The following RPL35 variants were observed in gnomAD, a reference collection of about 807,000 sequenced individuals.
The protein encoded by RPL35 is large ribosomal subunit protein uL29.
In RPL35, 2 loss-of-function variants were observed where a neutral mutation model predicts 15.6. The observed-to-expected ratio is 0.13, with a 90% CI of 0.05 to 0.40. The LOEUF is 0.40. RPL35 is among the 10% of genes least tolerant of loss of function. RPL35 has a pLI of 0.99. For missense variants in RPL35, 111 were observed against 164.7 expected, an observed-to-expected ratio of 0.67 and a Z score of 1.79; for synonymous variants, 93 against 67.9, an observed-to-expected ratio of 1.37 and a Z score of -1.82.
intron 3 of RPL35, among the ~76,000 whole-genome samples, chr9:124,859,079 AGCCACTAGC>A (rs1021181846): frequency 5.3e-5 from 8 of 152,206 alleles, no homozygotes; most frequent in Non-Finnish European, 1.2e-4. Context: ...CCAACAGAGC[AGCCACTAGC>A]CACACACGTA....
At chr9:124,861,735 C>G in intron 1 of RPL35, 175 bp downstream of exon 1, 1 of 1,309,660 alleles carries the variant, frequency 7.6e-7, no homozygotes, top group Non-Finnish European at 1.0e-6. Context: ...CAGGCCCGGG[C>G]CGCGCGCCTC....
rs1176765983 is a variant in RPL35, at chr9:124,858,587, C to G, written c.223-520G>C. On this transcript the variant is annotated intron_variant, in intron 3 of 3. Coordinates refer to ENST00000348462, the MANE Select transcript of RPL35 (RefSeq NM_007209.4). Reference sequence around the variant, plus strand: ...GCCTGGCTGGCCAAGGCCACTTGCCCCACCTGCTTCCGGCTTTGGGGCCCC... The same window carrying G: ...GCCTGGCTGGCCAAGGCCACTTGCCGCACCTGCTTCCGGCTTTGGGGCCCC... 5 of 697,900 alleles carry G rather than the reference C, an allele frequency of 7.2e-6. No individual in the cohort carries two copies. In the Admixed American group the frequency reaches 1.0e-4, roughly 14 times the overall value. 43.2% of individuals were successfully genotyped at this position (697,900 alleles called of 1,614,324 possible).
At chr9:124,860,836 G>C (rs1370299792) in intron 2 of RPL35, 1 of 157,370 alleles carries the variant, frequency 6.4e-6, no homozygotes, top group Non-Finnish European at 1.4e-5. Flanking sequence ...GGGCAAAGAG[G>C]GCAACCACCA....
chr9:124,860,384 A>C (rs1272914530), intron 2 of RPL35, 120 bp from the exon 3 acceptor site: 5 of 818,232 alleles, frequency 6.1e-6, no homozygotes, highest in African/African-American at 1.7e-5. Flanking sequence ...ATATTCACTC[A>C]GGAGGAAGGC....
chr9:124,861,290 T>A (rs1201482507), intron 2 of RPL35, 129 bp downstream of exon 2: 1 of 1,208,028 alleles, frequency 8.3e-7, no homozygotes, highest in Non-Finnish European at 1.2e-6. Flanking sequence ...GGGTCTCCCA[T>A]GCGCGCCAGG....
rs534987818 is a variant in RPL35 at position 124,858,518 on chromosome 9, C to G, written c.223-451G>C. 10 of 716,054 alleles carry G rather than the reference C, an allele frequency of 1.4e-5. No individual in the cohort carries two copies. In the African/African-American group the frequency reaches 1.7e-4, roughly 12 times the overall value. 44.4% of individuals were successfully genotyped at this position (716,054 alleles called of 1,614,324 possible). On this transcript the variant is annotated intron_variant, in intron 3 of 3. Transcript: ENST00000348462. ...AGGCAGTACTCTGTCCATCTGTATGCAGGGCCCACCAGCTGCTGCCTGTAT... is the reference window on the plus strand; with the variant it reads ...AGGCAGTACTCTGTCCATCTGTATGGAGGGCCCACCAGCTGCTGCCTGTAT...
rs1588037891 is a variant in RPL35 at position 124,861,502 on chromosome 9, T to C, written c.57A>G (p.Lys19=). The part of the protein sequence containing the change: ...LRGKKKEELL[K]QLDDLKVELS... ...GCTCCACCTTCAGGTCGTCCAGCTG[T>C]TTCAGCAGCTCCTCCTTCTTCTTCC... The change falls in exon 2 of 4, where the codon AAA becomes AAG. Residue 19 remains lysine, a synonymous_variant. Transcript: ENST00000348462. The C allele has an allele frequency of 1.2e-6, 2 of 1,613,978 alleles. No homozygotes were observed. Among genetic ancestry groups the C allele is most frequent in the Non-Finnish European group, 1.7e-6 (2 of 1,179,992 alleles).
At chr9:124,858,335 A>C in intron 3 of RPL35, 1 of 624,846 alleles carries the variant, frequency 1.6e-6, no homozygotes. Flanking sequence ...CTTGCATCTC[A>C]GTCAAGTGAC....
intron 3 of RPL35, 120 bp from the exon 4 acceptor site, chr9:124,858,187 G>T: frequency 1.2e-6 from 1 of 824,846 alleles, no homozygotes; most frequent in Non-Finnish European, 1.7e-6. Flanking sequence ...CCATGGGACT[G>T]CCAGCAGGCC....
chr9:124,858,547 C>T lies in RPL35; in HGVS notation c.223-480G>A, dbSNP rs769761537. 21 of 713,750 alleles carry T rather than the reference C, an allele frequency of 2.9e-5. 1 individual carries two copies. Among genetic ancestry groups the T allele is most frequent in the Middle Eastern group, 4.7e-4 (2 of 4,246 alleles). The allele number at this position is 713,750 out of a possible 1,614,324, so 44.2% of individuals were successfully genotyped here. A position where few individuals can be genotyped will look rare whatever the true frequency, so the allele number is the denominator to read the frequency against. On this transcript the variant is annotated intron_variant, in intron 3 of 3. Transcript: ENST00000348462. ...GCCCACCAGCTGCTGCCTGTATGAACGTCCAGCCTCAGAGGCCTGGCTGGC... is the reference window on the plus strand; with the variant it reads ...GCCCACCAGCTGCTGCCTGTATGAATGTCCAGCCTCAGAGGCCTGGCTGGC...
At chr9:124,858,484 T>G (rs1329027382) in intron 3 of RPL35, 2 of 716,730 alleles carry the variant, frequency 2.8e-6, no homozygotes, top group African/African-American at 3.5e-5. Context: ...AAGAGCATGC[T>G]GGGGGCTGAG....
chr9:124,861,341 A>T, intron 2 of RPL35, 78 bp downstream of exon 2: 1 of 1,545,842 alleles, frequency 6.5e-7, no homozygotes. Context: ...TCCTTAAGCC[A>T]ACTTTGAAAT....
rs767088390 is a variant in RPL35 at position 124,858,101 on chromosome 9, C to G, written c.223-34G>C. 5.0e-6 allele frequency: 8 copies of G among 1,604,764 alleles called. No homozygotes were observed. The South Asian group carries it at 8.9e-5, about 18-fold the overall frequency. ...CAGACGGCAGGGTGAATCCAAGGAC[C>G]CAGGGCTGAGGAGCTACTGCAGCAG... On this transcript the variant is annotated intron_variant, in intron 3 of 3. Coordinates refer to ENST00000348462, the MANE Select transcript of RPL35 (RefSeq NM_007209.4).
rs143398257 is a variant in RPL35 at position 124,860,045 on chromosome 9, T to C, written c.222+138A>G. ...CCAGTGCAAGACACTGGTAGAAGAG[T>C]GAGCCCAGCAACAAATTGGGAAGGC... On this transcript the variant is annotated intron_variant, in intron 3 of 3. Coordinates refer to ENST00000348462, the MANE Select transcript of RPL35 (RefSeq NM_007209.4). The C allele has an allele frequency of 6.9e-4, 466 of 679,734 alleles. 4 individuals are homozygous for C. The highest frequency in any genetic ancestry group is 5.3e-3 in the African/African-American group (298 of 56,676). 42.1% of individuals were successfully genotyped at this position (679,734 alleles called of 1,614,324 possible). A position where few individuals can be genotyped will look rare whatever the true frequency, so the allele number is the denominator to read the frequency against.
At position 124,861,892 on chromosome 9, in the gene RPL35, CGATT is replaced by C. The variant is rs1243818691; in HGVS notation, c.3+14_3+17del. 3 of 1,603,106 alleles carry C rather than the reference CGATT, an allele frequency of 1.9e-6. No homozygotes were observed. The highest frequency in any genetic ancestry group is 2.6e-6 in the Non-Finnish European group (3 of 1,175,950). Reference sequence around the variant, plus strand: ...CGCCTCACAGCGCTCGGATGGCGCCCGATTCCGCAGCTCTCACCATTGCTGCACA... The same window carrying C: ...CGCCTCACAGCGCTCGGATGGCGCCCCCGCAGCTCTCACCATTGCTGCACA... On this transcript the variant is annotated intron_variant, in intron 1 of 3. Transcript: ENST00000348462.
chr9:124,861,889 G>C lies in RPL35; in HGVS notation c.3+21C>G, dbSNP rs1443345881. 8.1e-6 allele frequency: 13 copies of C among 1,602,322 alleles called. No homozygotes were observed. In the Middle Eastern group the frequency reaches 5.0e-4, roughly 61 times the overall value. Reference sequence around the variant, plus strand: ...CCGCGCCTCACAGCGCTCGGATGGCGCCCGATTCCGCAGCTCTCACCATTG... The same window carrying C: ...CCGCGCCTCACAGCGCTCGGATGGCCCCCGATTCCGCAGCTCTCACCATTG... On this transcript the variant is annotated intron_variant, in intron 1 of 3. Coordinates refer to ENST00000348462, the MANE Select transcript of RPL35 (RefSeq NM_007209.4).
rs1449043210 is a variant in RPL35 at position 124,861,563 on chromosome 9, CAAGA to C, written c.4-12_4-9del. On this transcript the variant is annotated splice_polypyrimidine_tract_variant and intron_variant, in intron 1 of 3. Coordinates refer to ENST00000348462, the MANE Select transcript of RPL35 (RefSeq NM_007209.4). ...TCGAGCCTTGATCTTGGCCTGCGCG[CAAGA>C]GAGAGTGTGCCTCAGCCAGGCCGCG... The C allele has an allele frequency of 1.2e-6, 2 of 1,613,316 alleles. No homozygotes were observed. The highest frequency in any genetic ancestry group is 1.7e-6 in the Non-Finnish European group (2 of 1,179,750).
At chr9:124,860,331 A>C in intron 2 of RPL35, 67 bp from the exon 3 acceptor site, 1 of 1,308,576 alleles carries the variant, frequency 7.6e-7, no homozygotes, top group East Asian at 2.3e-5. Flanking sequence ...CAGGACTCAC[A>C]CATAGGGCAG....
At chr9:124,859,748 A>G (rs1829166976) in intron 3 of RPL35, among the ~76,000 whole-genome samples, 1 of 152,208 alleles carries the variant, frequency 6.6e-6, no homozygotes, top group Non-Finnish European at 1.5e-5. Context: ...CCCCAAGGTA[A>G]GGTTTGGAAC....
Sources: allele counts gnomAD v4.1 joint callset (sites outside exome capture counted in the v4.1 genomes callset), GRCh38; gene constraint gnomAD v4.1.1; transcripts MANE v1.5; gene names NCBI Gene and HGNC (gene_info 2026-07-23, HGNC 2026-07-21).